IPO11: variants seen among roughly 807,000 people sequenced by gnomAD.
IPO11 encodes the protein importin 11.
A neutral mutation model predicts 143.2 loss-of-function variants in IPO11; 66 were observed. The observed-to-expected ratio is 0.46, with a 90% CI of 0.38 to 0.57. The LOEUF is 0.57. IPO11 is among the 20% of genes least tolerant of loss of function. The pLI is 0.00. For missense variants in IPO11, 1,026 were observed against 1,141.0 expected, an observed-to-expected ratio of 0.90 and a Z score of 1.45; for synonymous variants, 385 against 377.8, an observed-to-expected ratio of 1.02 and a Z score of -0.22.
intron 16 of IPO11, among the ~76,000 whole-genome samples, chr5:62,494,573 A>G (rs1218135094): frequency 6.6e-6 from 1 of 151,746 alleles, no homozygotes; most frequent in African/African-American, 2.4e-5. Context: ...TTCATATATT[A>G]TTGTTGATTT....
chr5:62,561,755 C>A (rs1405601869), intron 27 of IPO11: 1 of 151,954 alleles, frequency 6.6e-6, no homozygotes, highest in African/African-American at 2.4e-5. Flanking sequence ...ATACAGAATG[C>A]TTTGGTTTGG....
intron 2 of IPO11, among the ~76,000 whole-genome samples, chr5:62,441,116 T>C (rs1050614254): frequency 6.6e-6 from 1 of 152,318 alleles, no homozygotes; most frequent in Non-Finnish European, 1.5e-5. Flanking sequence ...TAGTCATTAT[T>C]ATTATTTGGA....
intron 29 of IPO11, among the ~76,000 whole-genome samples, chr5:62,615,055 T>G (rs1039304408): frequency 2.0e-5 from 3 of 152,212 alleles, no homozygotes; most frequent in African/African-American, 7.2e-5. Context: ...TCTGCTGTTC[T>G]GCTCTTCTTT....
intron 27 of IPO11, among the ~76,000 whole-genome samples, chr5:62,572,405 G>A (rs559972555): frequency 1.4e-4 from 21 of 152,262 alleles, no homozygotes; most frequent in Non-Finnish European, 2.9e-5. Flanking sequence ...ATCCGGAAGA[G>A]ATGACATAGA....
At position 62,453,279 on chromosome 5, in the gene IPO11, T is replaced by TAAGCAGCTTTTCCTAGACCTC. The variant is rs1466147124; in HGVS notation, c.516+1347_516+1367dup. 1.8e-4 allele frequency among the ~76,000 whole-genome samples: 27 copies of TAAGCAGCTTTTCCTAGACCTC among 151,358 alleles called. 3 individuals are homozygous for TAAGCAGCTTTTCCTAGACCTC. Among genetic ancestry groups the TAAGCAGCTTTTCCTAGACCTC allele is most frequent in the African/African-American group, 5.9e-4 (24 of 40,600 alleles). On this transcript the variant is annotated intron_variant, in intron 5 of 29. Transcript: ENST00000325324. ...TACTTTTGAACTTAGCATGTGGTCT[T>TAAGCAGCTTTTCCTAGACCTC]AAGCAGCTTTTCCTAGACCTCCTTC...
chr5:62,483,422 G>T, intron 10 of IPO11, 129 bp downstream of exon 10: 1 of 623,606 alleles, frequency 1.6e-6, no homozygotes, highest in Non-Finnish European at 2.7e-6. Flanking sequence ...ACATGAAAAA[G>T]ATATAAGGAT....
intron 6 of IPO11, among the ~76,000 whole-genome samples, chr5:62,468,861 T>C (rs1187264450): frequency 2.0e-5 from 3 of 152,242 alleles, no homozygotes; most frequent in African/African-American, 7.2e-5. Flanking sequence ...AATGAAGAAA[T>C]ACTCCAAACT....
intron 27 of IPO11, chr5:62,579,995 A>G: frequency 1.3e-6 from 2 of 1,551,256 alleles, no homozygotes; most frequent in Non-Finnish European, 1.7e-6. Context: ...CGGATACTTG[A>G]TTTATCAAAC....
chr5:62,596,268 C>CAAAAAAAAAAAAAAAAAAA (rs71608515), intron 28 of IPO11, among the ~76,000 whole-genome samples: 3 of 95,688 alleles, frequency 3.1e-5, no homozygotes, highest in African/African-American at 9.1e-5. Context: ...GGCCCTGTCT[C>CAAAAAAAAAAAAAAAAAAA]AAAAAAAAAA....
intron 27 of IPO11, among the ~76,000 whole-genome samples, chr5:62,587,756 T>TG (rs1004609910): frequency 6.6e-6 from 1 of 152,136 alleles, no homozygotes; most frequent in African/African-American, 2.4e-5. Flanking sequence ...TGGCAGGCCT[T>TG]GTTATAAGCA....
intron 19 of IPO11, among the ~76,000 whole-genome samples, chr5:62,506,630 A>C (rs1310249189): frequency 1.1e-4 from 16 of 152,198 alleles, no homozygotes; most frequent in Non-Finnish European, 1.5e-5. Context: ...CAGCCGATGT[A>C]AAATTGAGTG....
chr5:62,489,330 A>G lies in IPO11; in HGVS notation c.1338A>G (p.Ala446=), dbSNP rs750666339. 3 of 1,565,912 alleles carry G rather than the reference A, an allele frequency of 1.9e-6. No individual in the cohort carries two copies. In the African/African-American group the frequency reaches 4.1e-5, roughly 21 times the overall value. Residue 446 remains alanine, a synonymous_variant, in exon 14 of 30, where the codon GCA becomes GCG. Coordinates refer to ENST00000325324, the MANE Select transcript of IPO11 (RefSeq NM_016338.5). ...CCACAAATGTGGAAGATATGAATGC[A>G]CTGTTAATCAAAGATGCTGGTATGT... is the stretch of plus-strand genomic sequence containing the variant. The part of the protein sequence containing the change: ...QGPTNVEDMN[A]LLIKDAVYNA...
chr5:62,463,129 A>G (rs1456226523), intron 5 of IPO11, among the ~76,000 whole-genome samples: 1 of 151,588 alleles, frequency 6.6e-6, no homozygotes, highest in Non-Finnish European at 1.5e-5. Context: ...GCAGCCCTGA[A>G]CTCCTGGGTT....
intron 5 of IPO11, among the ~76,000 whole-genome samples, chr5:62,455,782 A>G (rs531858477): frequency 6.6e-6 from 1 of 151,294 alleles, no homozygotes; most frequent in Non-Finnish European, 1.5e-5. Flanking sequence ...AGAGAGAGAG[A>G]GGTGCTGTCT....
intron 21 of IPO11, among the ~76,000 whole-genome samples, chr5:62,528,456 C>T (rs1409164079): frequency 6.6e-6 from 1 of 152,096 alleles, no homozygotes; most frequent in Non-Finnish European, 1.5e-5. Context: ...GGAGCATAGA[C>T]ATGGGGCAAC....
At chr5:62,531,219 C>T (rs955143657) in intron 22 of IPO11, among the ~76,000 whole-genome samples, 26 of 152,200 alleles carry the variant, frequency 1.7e-4, no homozygotes, top group African/African-American at 6.3e-4. Context: ...GCTCTGTTGC[C>T]CAGACTGGAG....
At chr5:62,578,652 T>TC in intron 27 of IPO11, 2 of 465,588 alleles carry the variant, frequency 4.3e-6, no homozygotes, top group South Asian at 3.2e-5. Context: ...TCCTGAGATT[T>TC]CCGTTCAGCA....
chr5:62,526,431 TTA>T, intron 21 of IPO11, 174 bp downstream of exon 21: 1 of 486,880 alleles, frequency 2.1e-6, no homozygotes, highest in South Asian at 2.7e-5. Context: ...CAGTGTAGGA[TTA>T]TAGTAGACAA....
chr5:62,594,418 G>A (rs1232135342), intron 28 of IPO11, among the ~76,000 whole-genome samples: 1 of 152,132 alleles, frequency 6.6e-6, no homozygotes, highest in Non-Finnish European at 1.5e-5. Flanking sequence ...TAACTGGTTG[G>A]CTCTGAAGAC....
Sources: allele counts gnomAD v4.1 joint callset (sites outside exome capture counted in the v4.1 genomes callset), GRCh38; gene constraint gnomAD v4.1.1; transcripts MANE v1.5; gene names NCBI Gene and HGNC (gene_info 2026-07-23, HGNC 2026-07-21).